MYL3: variants seen among roughly 807,000 people sequenced by gnomAD.
MYL3 encodes the protein myosin light chain 3, also known as CMLC1.
Under a neutral mutation model 21.3 loss-of-function variants are expected in MYL3, and 11 were observed. The observed-to-expected ratio is 0.52, with a 90% confidence interval of 0.32 to 0.85. The LOEUF is 0.85. Among genes scored for constraint, MYL3 ranks in the 40% least tolerant of loss-of-function variants. The pLI is 0.03. For synonymous variants in MYL3, 88 were observed against 91.6 expected (o/e 0.96, Z 0.22); for missense variants, 206 against 253.3 (o/e 0.81, Z 1.27).
upstream of MYL3, among the ~76,000 whole-genome samples, chr3:46,865,515 A>G (rs759023612): frequency 2.0e-5 from 3 of 152,140 alleles, no homozygotes; most frequent in Non-Finnish European, 2.9e-5. The surrounding 1 kb of genome is among the most constrained non-coding windows in gnomAD (Gnocchi z 4.3). Context: ...AACAAGACCA[A>G]TTTCCTTGTG....
chr3:46,859,788 C>A lies in MYL3; in HGVS notation c.308-140G>T. 9.7e-7 allele frequency: 1 copy of A among 1,029,606 alleles called. No homozygotes were observed. The highest frequency in any genetic ancestry group is 1.5e-6 in the Non-Finnish European group (1 of 666,812). 63.8% of individuals were successfully genotyped at this position (1,029,606 alleles called of 1,614,324 possible). ...CACCAGTTCTCACAGCAGTCTACACCAGTTTGCCATTTAAAAGCAAACTAC... is the reference window on the plus strand; with the variant it reads ...CACCAGTTCTCACAGCAGTCTACACAAGTTTGCCATTTAAAAGCAAACTAC... On this transcript the variant is annotated intron_variant, in intron 3 of 6. Coordinates refer to ENST00000292327, the MANE Select transcript of MYL3 (RefSeq NM_000258.3). The surrounding 1 kb of genome is among the most constrained non-coding windows in gnomAD (Gnocchi z 4.1).
intron 4 of MYL3, 29 bp from the exon 5 acceptor site, chr3:46,858,490 C>T (rs1379037160): frequency 3.1e-6 from 5 of 1,608,034 alleles, no homozygotes; most frequent in Non-Finnish European, 4.2e-6. Flanking sequence ...TGAGTCAGCA[C>T]CGTGCGTGCA....
At chr3:46,876,924 T>A (rs535637604) in intron 1 of MYL3, among the ~76,000 whole-genome samples, 9 of 152,164 alleles carry the variant, frequency 5.9e-5, no homozygotes, top group Non-Finnish European at 1.3e-4. Context: ...TGCCTCCCTG[T>A]CTGCCCACAT....
chr3:46,872,842 TC>T (rs2029992879), intron 1 of MYL3, among the ~76,000 whole-genome samples: 1 of 152,216 alleles, frequency 6.6e-6, no homozygotes, highest in Non-Finnish European at 1.5e-5. Flanking sequence ...AGGAAAACGT[TC>T]CGACAATGAG....
intron 1 of MYL3, among the ~76,000 whole-genome samples, chr3:46,880,669 G>T (rs2030493796): frequency 1.3e-5 from 2 of 152,228 alleles, no homozygotes; most frequent in South Asian, 4.1e-4. Context: ...GGAGGTTGCA[G>T]TGAGCAGAGA....
intron 4 of MYL3, 34 bp from the exon 5 acceptor site, chr3:46,858,495 C>T (rs371467594): frequency 3.1e-6 from 5 of 1,599,480 alleles, no homozygotes; most frequent in South Asian, 1.1e-5. Flanking sequence ...CAGCACCGTG[C>T]GTGCAGAGGC....
Position 46,860,681 on chromosome 3 carries a change from T to TGTC in MYL3, c.299_301dup (p.Arg100dup), listed in dbSNP as rs1254752032. On this transcript the variant is annotated inframe_insertion, in exon 3 of 7. Coordinates refer to ENST00000292327, the MANE Select transcript of MYL3 (RefSeq NM_000258.3). The surrounding 1 kb of genome is among the most constrained non-coding windows in gnomAD (Gnocchi z 4.6). ...CTCTCGGGCAGGTGCACTACCTTCC[T>TGTC]GTCTTGGCTTCCCCAGGACACGGAG... 1 of 1,613,726 alleles carries TGTC rather than the reference T, an allele frequency of 6.2e-7. No homozygotes were observed. Among genetic ancestry groups the TGTC allele is most frequent in the Non-Finnish European group, 8.5e-7 (1 of 1,180,024 alleles).
upstream of MYL3, among the ~76,000 whole-genome samples, chr3:46,867,046 G>C (rs956916307): frequency 2.6e-5 from 4 of 151,774 alleles, no homozygotes; most frequent in South Asian, 8.3e-4. Flanking sequence ...CCAGACTCAG[G>C]TCTCACAATT....
rs1468569180 is a variant in MYL3 at position 46,859,219 on chromosome 3, G to T, written c.481+256C>A. On this transcript the variant is annotated intron_variant, in intron 4 of 6. Coordinates refer to ENST00000292327, the MANE Select transcript of MYL3 (RefSeq NM_000258.3). This position sits in a 1 kb window ranked among gnomAD's most constrained non-coding sequence, Gnocchi z 4.1. The stretch of plus-strand genomic sequence containing the variant: ...GACGGTGGCCTGGAGTCGTGGGAAG[G>T]AGGGGAGCATATCAAGACGGCTCCT... Among the ~76,000 whole-genome samples the T allele has an allele frequency of 6.6e-6, 1 of 152,116 alleles. No individual in the cohort carries two copies. The highest frequency in any genetic ancestry group is 1.5e-5 in the Non-Finnish European group (1 of 68,024).
intron 1 of MYL3, among the ~76,000 whole-genome samples, chr3:46,880,604 G>T (rs1328436639): frequency 6.6e-6 from 1 of 152,150 alleles, no homozygotes; most frequent in East Asian, 1.9e-4. Flanking sequence ...AGCCAGGTTG[G>T]TGGTACACAC....
upstream of MYL3, among the ~76,000 whole-genome samples, chr3:46,864,353 G>A (rs540675722): frequency 8.5e-5 from 13 of 152,150 alleles, no homozygotes; most frequent in South Asian, 2.7e-3. This position sits in a 1 kb window ranked among gnomAD's most constrained non-coding sequence, Gnocchi z 4.7. Context: ...CTCCCTCTAG[G>A]GCAGTCGCCC....
chr3:46,864,662 C>G (rs1486933027), upstream of MYL3, among the ~76,000 whole-genome samples: 14 of 152,172 alleles, frequency 9.2e-5, no homozygotes, highest in Non-Finnish European at 2.9e-5. The surrounding 1 kb of genome is among the most constrained non-coding windows in gnomAD (Gnocchi z 4.7). Flanking sequence ...GAGGGTCTGC[C>G]TCTCTGAGGA....
rs1312946853 is a variant in MYL3, at chr3:46,861,738, C to T, written c.130-751G>A. ...AGGCCTCCCGGGATCCAGTGTCCCC[C>T]TCCTCACCGGATACCAGGTCTATTT... On this transcript the variant is annotated intron_variant, in intron 1 of 6. Transcript: ENST00000292327. This position sits in a 1 kb window ranked among gnomAD's most constrained non-coding sequence, Gnocchi z 4.2. 2.6e-5 allele frequency among the ~76,000 whole-genome samples: 4 copies of T among 152,176 alleles called. No individual in the cohort carries two copies. Among genetic ancestry groups the T allele is most frequent in the Non-Finnish European group, 5.9e-5 (4 of 68,034 alleles).
chr3:46,864,703 G>A (rs1035923992), upstream of MYL3, among the ~76,000 whole-genome samples: 3 of 152,186 alleles, frequency 2.0e-5, no homozygotes, highest in Non-Finnish European at 4.4e-5. This position sits in a 1 kb window ranked among gnomAD's most constrained non-coding sequence, Gnocchi z 4.7. Flanking sequence ...GTCTGCCCCA[G>A]TGCAGTGATG....
chr3:46,860,820 T>C lies in MYL3; in HGVS notation c.163A>G (p.Lys55Glu). Residue 55 changes from lysine (K) to glutamate (E), a missense_variant, in exon 3 of 7, where the codon AAG (lysine) becomes GAG (glutamate). Physicochemically the swap from Lys to Glu is moderately conservative, Grantham distance 56 (BLOSUM62 1). Coordinates refer to ENST00000292327, the MANE Select transcript of MYL3 (RefSeq NM_000258.3). The surrounding 1 kb of genome is among the most constrained non-coding windows in gnomAD (Gnocchi z 4.6). ...CGGTCGAACAGCATGAAGGCTTCCT[T>C]GAACTCTGCCAGGAGAGGGCAGTGA... is the stretch of plus-strand genomic sequence containing the variant. ...EFTPEQIEEFKEAFMLFDRTP... is the reference protein window; with the variant it reads ...EFTPEQIEEFEEAFMLFDRTP... 1 of 1,614,068 alleles carries C rather than the reference T, an allele frequency of 6.2e-7. No homozygotes were observed. Among genetic ancestry groups the C allele is most frequent in the Non-Finnish European group, 8.5e-7 (1 of 1,179,994 alleles).
chr3:46,862,839 C>T (rs1027605390), intron 1 of MYL3, among the ~76,000 whole-genome samples: 1 of 152,252 alleles, frequency 6.6e-6, no homozygotes, highest in African/African-American at 2.4e-5. Flanking sequence ...CTTCTTCTTA[C>T]TCCCTATCTC....
intron 1 of MYL3, among the ~76,000 whole-genome samples, chr3:46,862,015 A>C (rs536872680): frequency 1.9e-3 from 287 of 152,188 alleles, no homozygotes; most frequent in Non-Finnish European, 3.0e-3. Flanking sequence ...CTCCACCAGG[A>C]AGCCTACTGA....
upstream of MYL3, among the ~76,000 whole-genome samples, chr3:46,865,415 C>T (rs1012357601): frequency 1.3e-5 from 2 of 152,264 alleles, no homozygotes; most frequent in East Asian, 1.9e-4. The surrounding 1 kb of genome is among the most constrained non-coding windows in gnomAD (Gnocchi z 4.3). Flanking sequence ...AGAGGGGCCC[C>T]GGGGAGGCCC....
upstream of MYL3, among the ~76,000 whole-genome samples, chr3:46,867,563 G>C (rs925430165): frequency 7.9e-5 from 12 of 152,350 alleles, 1 homozygote; most frequent in African/African-American, 2.4e-4. Flanking sequence ...GCTGTCCCCT[G>C]GGCCTAAGAG....
Sources: allele counts gnomAD v4.1 joint callset (sites outside exome capture counted in the v4.1 genomes callset), GRCh38; gene constraint gnomAD v4.1.1; non-coding constraint Gnocchi (gnomAD v3.1); transcripts MANE v1.5; gene names NCBI Gene and HGNC (gene_info 2026-07-23, HGNC 2026-07-21).